Variants in CADM2 observed in about 807,000 individuals in gnomAD.
CADM2 encodes the protein immunoglobulin superfamily member 4D.
Under a neutral mutation model 49.8 loss-of-function variants are expected in CADM2, and 12 were observed. The ratio of observed to expected loss-of-function variants is 0.24; its 90% CI spans 0.15 to 0.39. CADM2 has a LOEUF of 0.39. Ranked by LOEUF, CADM2 falls within the 10% of genes least tolerant of loss-of-function variation. The probability of loss-of-function intolerance (pLI) is 1.00; values close to 1 mark genes in which losing one functional copy is unlikely to be tolerated. For missense variants in CADM2, 378 were observed against 492.3 expected (o/e 0.77, Z 2.20); for synonymous variants, 214 against 175.4 (o/e 1.22, Z -1.74).
intron 2 of CADM2, among the ~76,000 whole-genome samples, chr3:85,756,058 T>C (rs2069104425): frequency 6.6e-6 from 1 of 152,130 alleles, no homozygotes; most frequent in African/African-American, 2.4e-5. Context: ...AACTCAAGTA[T>C]GGTTGAAAGG....
intron 1 of CADM2, among the ~76,000 whole-genome samples, chr3:85,134,667 G>T (rs1173403875): frequency 6.6e-6 from 1 of 152,074 alleles, no homozygotes; most frequent in East Asian, 1.9e-4. Flanking sequence ...TAAGATTGTG[G>T]TGGTTAATCT....
At chr3:85,471,474 T>C (rs1366722698) in intron 1 of CADM2, among the ~76,000 whole-genome samples, 1 of 152,200 alleles carries the variant, frequency 6.6e-6, no homozygotes, top group East Asian at 1.9e-4. Flanking sequence ...GAAAACCAAA[T>C]GTAGGTGGAC....
chr3:85,504,931 T>C (rs2107672516), intron 1 of CADM2, among the ~76,000 whole-genome samples: 1 of 152,212 alleles, frequency 6.6e-6, no homozygotes, highest in Middle Eastern at 3.4e-3. Context: ...GCTAAGCCCC[T>C]CATTGCCCGG....
chr3:85,888,876 G>T (rs2108409561), intron 5 of CADM2, among the ~76,000 whole-genome samples: 1 of 152,042 alleles, frequency 6.6e-6, no homozygotes, highest in Admixed American at 6.6e-5. Context: ...GCACTATTTT[G>T]TCTTTTTAGG....
chr3:85,193,424 T>C (rs1004330424), intron 1 of CADM2, among the ~76,000 whole-genome samples: 1 of 152,102 alleles, frequency 6.6e-6, no homozygotes, highest in East Asian at 1.9e-4. Context: ...GGATAACTCA[T>C]AATTTTCAAC....
intron 1 of CADM2, among the ~76,000 whole-genome samples, chr3:85,706,850 G>A (rs950127480): frequency 6.6e-6 from 1 of 151,946 alleles, no homozygotes; most frequent in Non-Finnish European, 1.5e-5. Flanking sequence ...AAGAAAAAGG[G>A]GTTTTAATAA....
intron 1 of CADM2, among the ~76,000 whole-genome samples, chr3:85,000,106 C>T (rs1443932703): frequency 1.4e-5 from 2 of 144,998 alleles, no homozygotes; most frequent in Admixed American, 1.4e-4. Context: ...ATATAGGTTG[C>T]TTCTACTTTC....
intron 1 of CADM2, among the ~76,000 whole-genome samples, chr3:85,112,507 T>G (rs1215547666): frequency 6.6e-6 from 1 of 151,852 alleles, no homozygotes; most frequent in Non-Finnish European, 1.5e-5. Flanking sequence ...TACCAAAAAG[T>G]AGGAGGAAAA....
At chr3:85,311,044 C>A (rs994296369) in intron 1 of CADM2, among the ~76,000 whole-genome samples, 2 of 152,140 alleles carry the variant, frequency 1.3e-5, no homozygotes, top group Non-Finnish European at 1.5e-5. Context: ...TGTCAGCAGG[C>A]AGGAACATCC....
At chr3:84,961,772 G>C (rs2030548264) in intron 1 of CADM2, among the ~76,000 whole-genome samples, 1 of 152,170 alleles carries the variant, frequency 6.6e-6, no homozygotes, top group Non-Finnish European at 1.5e-5. Context: ...GGCCCCGGCC[G>C]GTCAATGCAC....
chr3:85,532,280 A>G (rs2061331965), intron 1 of CADM2, among the ~76,000 whole-genome samples: 2 of 152,224 alleles, frequency 1.3e-5, no homozygotes, highest in Admixed American at 1.3e-4. Context: ...TCAAACTGAA[A>G]TAATTCAAAG....
intron 1 of CADM2, among the ~76,000 whole-genome samples, chr3:85,344,036 A>G (rs2107205464): frequency 6.6e-6 from 1 of 152,312 alleles, no homozygotes; most frequent in South Asian, 2.1e-4. Context: ...GAGTTACATA[A>G]CAGTAAAAGA....
chr3:85,804,795 A>G (rs1056924408), intron 3 of CADM2, among the ~76,000 whole-genome samples: 12 of 152,204 alleles, frequency 7.9e-5, no homozygotes, highest in African/African-American at 2.9e-4. Context: ...AGACTTGAAT[A>G]TAAGGCAGCC....
At chr3:85,322,166 A>G (rs1197905593) in intron 1 of CADM2, among the ~76,000 whole-genome samples, 1 of 152,218 alleles carries the variant, frequency 6.6e-6, no homozygotes, top group Non-Finnish European at 1.5e-5. Context: ...AAAGTGTTCC[A>G]TTGAGTTTAT....
At chr3:85,861,450 A>T (rs2108323227) in intron 3 of CADM2, among the ~76,000 whole-genome samples, 1 of 152,220 alleles carries the variant, frequency 6.6e-6, no homozygotes, top group South Asian at 2.1e-4. Flanking sequence ...GAGTGGGAAA[A>T]TTTCAGGAGG....
chr3:85,767,017 A>G (rs1268244921), intron 2 of CADM2, among the ~76,000 whole-genome samples: 2 of 152,200 alleles, frequency 1.3e-5, no homozygotes, highest in Admixed American at 6.6e-5. Flanking sequence ...ATAAAAATTT[A>G]TGTTGATTAT....
At chr3:85,663,738 C>T (rs1246810310) in intron 1 of CADM2, among the ~76,000 whole-genome samples, 1 of 152,010 alleles carries the variant, frequency 6.6e-6, no homozygotes, top group Non-Finnish European at 1.5e-5. Flanking sequence ...ATATTTCCCT[C>T]ATCTTAAAAA....
chr3:85,220,709 T>G (rs1349778983), intron 1 of CADM2, among the ~76,000 whole-genome samples: 1 of 152,024 alleles, frequency 6.6e-6, no homozygotes, highest in African/African-American at 2.4e-5. Flanking sequence ...CACACCCTTG[T>G]GACTATGGCC....
At chr3:86,063,944 G>C (rs1296780985) in intron 8 of CADM2, among the ~76,000 whole-genome samples, 2 of 151,916 alleles carry the variant, frequency 1.3e-5, no homozygotes, top group African/African-American at 4.8e-5. Context: ...TTATTGCCCA[G>C]GTCTTCACTC....
Sources: allele counts gnomAD v4.1 joint callset (sites outside exome capture counted in the v4.1 genomes callset), GRCh38; gene constraint gnomAD v4.1.1; transcripts MANE v1.5; gene names NCBI Gene and HGNC (gene_info 2026-07-23, HGNC 2026-07-21).